SLC38A10: variants seen among roughly 807,000 people sequenced by gnomAD.
SLC38A10 encodes Sodium-coupled neutral amino acid transporter 10.
Under a neutral mutation model 81.0 loss-of-function variants are expected in SLC38A10, and 53 were observed. The ratio of observed to expected loss-of-function variants is 0.65; its 90% CI spans 0.53 to 0.82. The LOEUF (loss-of-function observed/expected upper bound fraction) is 0.82. Among genes scored for constraint, SLC38A10 ranks in the 40% least tolerant of loss-of-function variants. The pLI is 0.00. For missense variants in SLC38A10, 1,471 were observed against 1,545.0 expected (o/e 0.95, Z 0.80); for synonymous variants, 665 against 655.3 (o/e 1.01, Z -0.23).
Position 81,265,761 on chromosome 17 carries a change from G to A in SLC38A10, c.1131+5157C>T, listed in dbSNP as rs2063064836. Among the ~76,000 whole-genome samples the A allele has an allele frequency of 6.6e-6, 1 of 152,214 alleles. No homozygotes were observed. The highest frequency in any genetic ancestry group is 2.4e-5 in the African/African-American group (1 of 41,450). ...CAGGCCCAGGGTACGGCCTTGCGGTGCTGACATCTCCGTACCTAAGGAAAC... is the reference window on the plus strand; with the variant it reads ...CAGGCCCAGGGTACGGCCTTGCGGTACTGACATCTCCGTACCTAAGGAAAC... On this transcript the variant is annotated intron_variant, in intron 10 of 15. Transcript: ENST00000374759. The surrounding 1 kb of genome is among the most constrained non-coding windows in gnomAD (Gnocchi z 4.2).
At chr17:81,285,985 C>T (rs1392825476) in intron 2 of SLC38A10, among the ~76,000 whole-genome samples, 1 of 152,170 alleles carries the variant, frequency 6.6e-6, no homozygotes, top group Non-Finnish European at 1.5e-5. Flanking sequence ...CTGAAGAAGC[C>T]TGGCACCCCT....
chr17:81,253,402 T>A lies in SLC38A10; in HGVS notation c.1289-162A>T, dbSNP rs973226230. Among the ~76,000 whole-genome samples, 1 of 152,346 alleles carries A rather than the reference T, an allele frequency of 6.6e-6. No homozygotes were observed. The highest frequency in any genetic ancestry group is 3.4e-3 in the Middle Eastern group (1 of 294). On this transcript the variant is annotated intron_variant, in intron 11 of 15. Transcript: ENST00000374759. The surrounding 1 kb of genome is among the most constrained non-coding windows in gnomAD (Gnocchi z 4.1). The stretch of plus-strand genomic sequence containing the variant: ...AGCTAAGTAGCACAGAAAACTGTCA[T>A]TTTTCATGTGTATTCACAACAAAAA...
Position 81,253,881 on chromosome 17 carries a change from CACCATCACCACT to C in SLC38A10, c.1289-653_1289-642del, listed in dbSNP as rs2062947393. On this transcript the variant is annotated intron_variant, in intron 11 of 15. Coordinates refer to ENST00000374759, the MANE Select transcript of SLC38A10 (RefSeq NM_001037984.3). This position sits in a 1 kb window ranked among gnomAD's most constrained non-coding sequence, Gnocchi z 4.1. ...TCCCTACCACCATCACCATCATCAT[CACCATCACCACT>C]ACCATCACCACCATCACTGCCAACC... Among the ~76,000 whole-genome samples, 1 of 152,042 alleles carries C rather than the reference CACCATCACCACT, an allele frequency of 6.6e-6. No homozygotes were observed. Among genetic ancestry groups the C allele is most frequent in the South Asian group, 2.1e-4 (1 of 4,804 alleles).
intron 8 of SLC38A10, among the ~76,000 whole-genome samples, chr17:81,273,132 GGAA>G (rs948558491): frequency 3.9e-5 from 6 of 152,208 alleles, no homozygotes; most frequent in African/African-American, 9.7e-5. Context: ...TCAAAGTCCA[GGAA>G]GAAGAAGAGA....
chr17:81,251,443 G>A (rs780796707), intron 14 of SLC38A10, 50 bp downstream of exon 14: 23 of 1,607,122 alleles, frequency 1.4e-5, no homozygotes, highest in African/African-American at 2.7e-5. Flanking sequence ...GGGGGAGGGG[G>A]CTGCCGCTCC....
intron 10 of SLC38A10, among the ~76,000 whole-genome samples, chr17:81,267,470 T>A (rs1261250507): frequency 6.6e-6 from 1 of 152,040 alleles, no homozygotes. Context: ...TTTCTTTCCT[T>A]CCTTCCTTCC....
intron 1 of SLC38A10, among the ~76,000 whole-genome samples, chr17:81,291,661 TG>T (rs932330628): frequency 6.6e-6 from 1 of 152,074 alleles, no homozygotes; most frequent in African/African-American, 2.4e-5. Flanking sequence ...ACACGCACCC[TG>T]GGGCCCGGCC....
chr17:81,284,953 A>G, intron 2 of SLC38A10, 58 bp from the exon 3 acceptor site: 1 of 1,482,966 alleles, frequency 6.7e-7, no homozygotes, highest in Admixed American at 2.1e-5. Flanking sequence ...CGTCCAGAAC[A>G]AAGGTACTGA....
At chr17:81,250,883 TC>T in intron 14 of SLC38A10, 1 of 1,086,946 alleles carries the variant, frequency 9.2e-7, no homozygotes, top group Non-Finnish European at 1.1e-6. Context: ...GGAGGAGGAT[TC>T]AGAGCAAGTT....
chr17:81,287,538 C>G (rs538205360), intron 2 of SLC38A10, among the ~76,000 whole-genome samples: 3 of 152,208 alleles, frequency 2.0e-5, no homozygotes, highest in African/African-American at 7.2e-5. Flanking sequence ...GGCCTCTGTC[C>G]GGAGCTCACG....
chr17:81,250,150 G>T, intron 14 of SLC38A10: 3 of 1,269,222 alleles, frequency 2.4e-6, no homozygotes, highest in Non-Finnish European at 3.1e-6. Context: ...ACCGTGAAAA[G>T]TCTTTTTCAG....
In SLC38A10 at chr17:81,277,806, C is replaced by T. The variant is rs1004682824; in HGVS notation, c.627-673G>A. The stretch of plus-strand genomic sequence containing the variant: ...ACCTGGGCCTCTGGAAAGGGGTGGG[C>T]GAGACGACAAGGGAGAGGCTGGGGC... On this transcript the variant is annotated intron_variant, in intron 6 of 15. Coordinates refer to ENST00000374759, the MANE Select transcript of SLC38A10 (RefSeq NM_001037984.3). This position sits in a 1 kb window ranked among gnomAD's most constrained non-coding sequence, Gnocchi z 4.5. 8.5e-5 allele frequency among the ~76,000 whole-genome samples: 13 copies of T among 152,148 alleles called. No individual in the cohort carries two copies. In the East Asian group the frequency reaches 1.7e-3, roughly 20 times the overall value.
chr17:81,257,088 A>G (rs2062979931), intron 11 of SLC38A10, among the ~76,000 whole-genome samples: 1 of 151,972 alleles, frequency 6.6e-6, no homozygotes, highest in African/African-American at 2.4e-5. Flanking sequence ...GGACAACGCC[A>G]CCCTGCTGGA....
intron 4 of SLC38A10, 90 bp from the exon 5 acceptor site, chr17:81,282,422 G>C (rs2063222530): frequency 6.7e-7 from 1 of 1,502,300 alleles, no homozygotes; most frequent in Non-Finnish European, 9.0e-7. Flanking sequence ...AGCGCCCCGA[G>C]CCCGAAAGCC....
chr17:81,248,067 T>C (rs965633838), intron 14 of SLC38A10, among the ~76,000 whole-genome samples: 24 of 150,130 alleles, frequency 1.6e-4, no homozygotes, highest in African/African-American at 2.2e-4. Flanking sequence ...ACGCCATTCT[T>C]CTGCCTCAGC....
In SLC38A10 at chr17:81,277,939, G is replaced by A. The variant is rs992769673; in HGVS notation, c.627-806C>T. Among the ~76,000 whole-genome samples the A allele has an allele frequency of 1.3e-5, 2 of 152,116 alleles. No individual in the cohort carries two copies. The highest frequency in any genetic ancestry group is 1.3e-4 in the Admixed American group (2 of 15,286). On this transcript the variant is annotated intron_variant, in intron 6 of 15. Coordinates refer to ENST00000374759, the MANE Select transcript of SLC38A10 (RefSeq NM_001037984.3). The surrounding 1 kb of genome is among the most constrained non-coding windows in gnomAD (Gnocchi z 4.5). The stretch of plus-strand genomic sequence containing the variant: ...GGGCTGAACGAGGACTCTGGAGTGG[G>A]AGTCCAGGGGGGTGCTCCTAGGGTG...
chr17:81,252,425 T>C lies in SLC38A10; in HGVS notation c.1715A>G (p.Asp572Gly), dbSNP rs751909641. The change falls in exon 13 of 16, where the codon GAT (aspartate) becomes GGT (glycine). Residue 572 changes from aspartate to glycine, a missense_variant. Asp to Gly is a moderately conservative substitution (Grantham distance 94). Transcript: ENST00000374759. The part of the protein sequence containing the change: ...GQAQALEEAG[D>G]LPEDPQKVPE... ...AACTTTCTGGGGATCTTCAGGAAGA[T>C]CACCCGCCTCCTCCAAGGCCTGGGC... The C allele has an allele frequency of 8.7e-6, 14 of 1,613,128 alleles. No individual in the cohort carries two copies. The South Asian group carries it at 1.3e-4, about 15-fold the overall frequency.
chr17:81,251,429 G>A lies in SLC38A10; in HGVS notation c.2065+64C>T, dbSNP rs182958951. ...GAGGATGACCTGGGCATCACCCCAG[G>A]GCTGGGGGAGGGGGCTGCCGCTCCC... On this transcript the variant is annotated intron_variant, in intron 14 of 15. Coordinates refer to ENST00000374759, the MANE Select transcript of SLC38A10 (RefSeq NM_001037984.3). 17 of 1,609,226 alleles carry A rather than the reference G, an allele frequency of 1.1e-5. No individual in the cohort carries two copies. In the East Asian group the frequency reaches 3.1e-4, roughly 30 times the overall value.
At chr17:81,284,487 T>A (rs553778321) in intron 3 of SLC38A10, among the ~76,000 whole-genome samples, 1 of 152,354 alleles carries the variant, frequency 6.6e-6, no homozygotes, top group South Asian at 2.1e-4. Context: ...TCCCAGCGAT[T>A]TTTTCATCTC....
Sources: gnomAD v4.1 joint callset for allele counts (sites outside exome capture counted in the v4.1 genomes callset) on GRCh38, gnomAD v4.1.1 for gene constraint, Gnocchi (gnomAD v3.1) non-coding constraint, MANE v1.5 for transcripts, NCBI Gene and HGNC (gene_info 2026-07-23, HGNC 2026-07-21) for gene names.